Variants in KIF25 observed in about 807,000 individuals in gnomAD.
The protein encoded by KIF25 is kinesin-like protein KIF25.
A neutral mutation model predicts 32.9 loss-of-function variants in KIF25; 19 were observed. That is an observed-to-expected ratio of 0.58 (90% CI 0.40 to 0.85). The LOEUF is 0.85. Among genes scored for constraint, KIF25 ranks in the 40% least tolerant of loss-of-function variants. The probability of loss-of-function intolerance (pLI) is 0.00; values close to 1 mark genes in which losing one functional copy is unlikely to be tolerated. For missense variants in KIF25, 485 were observed against 507.0 expected (o/e 0.96, Z 0.42); for synonymous variants, 225 against 213.7 (o/e 1.05, Z -0.46).
chr6:168,026,999 A>G (rs1241758203), intron 5 of KIF25, among the ~76,000 whole-genome samples: 1 of 152,170 alleles, frequency 6.6e-6, no homozygotes, highest in Non-Finnish European at 1.5e-5. Context: ...GGAAGGCAGC[A>G]TTTTTGCCAC....
chr6:168,030,278 T>C (rs972190184), intron 6 of KIF25, among the ~76,000 whole-genome samples: 1 of 152,222 alleles, frequency 6.6e-6, no homozygotes, highest in African/African-American at 2.4e-5. Context: ...ACAAGATTTT[T>C]AAGAGCTTGA....
intron 5 of KIF25, among the ~76,000 whole-genome samples, chr6:168,024,279 G>A (rs1798827316): frequency 6.6e-6 from 1 of 152,148 alleles, no homozygotes; most frequent in Non-Finnish European, 1.5e-5. Flanking sequence ...GTTTGTTTAT[G>A]CAAACACTTG....
intron 5 of KIF25, among the ~76,000 whole-genome samples, chr6:168,027,049 G>A (rs900018688): frequency 1.3e-5 from 2 of 152,116 alleles, no homozygotes; most frequent in African/African-American, 2.4e-5. Flanking sequence ...AGGAGGCTGC[G>A]CTGAGCTCAG....
chr6:168,040,894 A>G (rs925020543), intron 10 of KIF25, among the ~76,000 whole-genome samples: 4 of 152,248 alleles, frequency 2.6e-5, no homozygotes, highest in Non-Finnish European at 5.9e-5. Context: ...CAGTTATGTA[A>G]CAGAAAGAAC....
chr6:168,027,752 G>A (rs1304832557), intron 5 of KIF25, among the ~76,000 whole-genome samples: 1 of 152,142 alleles, frequency 6.6e-6, no homozygotes, highest in Non-Finnish European at 1.5e-5. Context: ...GGTTGTTCCG[G>A]TCCGTGGGTG....
At chr6:168,013,831 C>T (rs1475455210) in intron 4 of KIF25, among the ~76,000 whole-genome samples, 1 of 152,110 alleles carries the variant, frequency 6.6e-6, no homozygotes, top group Admixed American at 6.5e-5. Flanking sequence ...AACACAGGTG[C>T]CTCTCCACTC....
chr6:168,037,818 C>T (rs1041097838), intron 8 of KIF25, among the ~76,000 whole-genome samples: 11 of 152,128 alleles, frequency 7.2e-5, no homozygotes, highest in African/African-American at 1.9e-4. Flanking sequence ...CAGGTTCAAG[C>T]GATTCTCCTG....
intron 2 of KIF25, among the ~76,000 whole-genome samples, chr6:168,000,197 A>T (rs13212458): frequency 1.5e-4 from 3 of 20,208 alleles, no homozygotes; most frequent in East Asian, 3.3e-3. Context: ...CACACCTGAC[A>T]CTCCCCACTC....
intron 8 of KIF25, among the ~76,000 whole-genome samples, chr6:168,034,924 G>A (rs1301967224): frequency 1.3e-5 from 2 of 152,326 alleles, no homozygotes; most frequent in East Asian, 3.9e-4. Context: ...ACTTTGGGAG[G>A]TCGAGGCGGG....
At chr6:168,043,056 C>T (rs962470212) in intron 12 of KIF25, among the ~76,000 whole-genome samples, 6 of 152,136 alleles carry the variant, frequency 3.9e-5, no homozygotes, top group African/African-American at 7.2e-5. Flanking sequence ...TGGGTCCCTC[C>T]GGCTGTGTAG....
intron 5 of KIF25, among the ~76,000 whole-genome samples, chr6:168,023,341 C>T (rs1053028276): frequency 2.7e-5 from 4 of 150,016 alleles, no homozygotes; most frequent in African/African-American, 4.9e-5. Context: ...AATCTCAGCT[C>T]ACTGCAAGCT....
chr6:168,038,787 T>A, intron 9 of KIF25, 58 bp downstream of exon 9: 1 of 1,549,102 alleles, frequency 6.5e-7, no homozygotes, highest in Non-Finnish European at 8.8e-7. Flanking sequence ...CACCTGCCCC[T>A]CCCACCTGGT....
chr6:168,036,415 C>T (rs1253632771), intron 8 of KIF25, among the ~76,000 whole-genome samples: 5 of 152,182 alleles, frequency 3.3e-5, no homozygotes, highest in Admixed American at 3.3e-4. Context: ...CCGCCCCTCC[C>T]CGCCCCAGAG....
intron 2 of KIF25, among the ~76,000 whole-genome samples, 198 bp from the exon 3 acceptor site, chr6:168,002,345 A>G (rs954402592): frequency 2.0e-5 from 3 of 151,690 alleles, no homozygotes; most frequent in Non-Finnish European, 4.4e-5. Flanking sequence ...GTGAGAAGAC[A>G]CCTGAGGCGT....
intron 2 of KIF25, among the ~76,000 whole-genome samples, chr6:168,001,726 C>T (rs1157412796): frequency 1.4e-4 from 10 of 72,044 alleles, no homozygotes; most frequent in Admixed American, 9.1e-4. Context: ...TGGCCGCGGG[C>T]AGGTGAGAAG....
intron 7 of KIF25, 107 bp downstream of exon 7, chr6:168,030,954 C>A: frequency 3.5e-6 from 3 of 850,676 alleles, no homozygotes; most frequent in South Asian, 1.8e-5. Context: ...GAGCATTCTA[C>A]AGCACTGCAG....
At chr6:168,044,689 C>A in intron 12 of KIF25, 138 bp from the exon 13 acceptor site, 2 of 843,036 alleles carry the variant, frequency 2.4e-6, no homozygotes, top group Non-Finnish European at 3.7e-6. Flanking sequence ...AGGAACCTGC[C>A]AGACGTGGCC....
In KIF25 at chr6:167,998,260, G is replaced by A. The variant is rs1453189864; in HGVS notation, c.-1209G>A. The A allele has an allele frequency of 6.6e-6, 1 of 152,044 alleles. No homozygotes were observed. Among genetic ancestry groups the A allele is most frequent in the Non-Finnish European group, 1.5e-5 (1 of 68,034 alleles). 9.4% of individuals were successfully genotyped at this position (152,044 alleles called of 1,614,324 possible). A position where few individuals can be genotyped will look rare whatever the true frequency, so the allele number is the denominator to read the frequency against. On this transcript the variant is annotated 5_prime_UTR_variant, in exon 1 of 13. In the 5' UTR this introduces an upstream ATG that the reference lacks. Transcript: ENST00000643607. ...AAGAATTGGTTGTGGAAGTTTCTGA[G>A]TGTTCCACCTCAAGCCTGGTCTCCT...
intron 4 of KIF25, among the ~76,000 whole-genome samples, chr6:168,006,226 G>A (rs1474076461): frequency 1.3e-5 from 2 of 149,530 alleles, no homozygotes; most frequent in African/African-American, 2.5e-5. Context: ...TTTTTTTAGC[G>A]ATGGGGGGGT....
Sources: gnomAD v4.1 joint callset for allele counts (sites outside exome capture counted in the v4.1 genomes callset) on GRCh38, gnomAD v4.1.1 for gene constraint, MANE v1.5 for transcripts, NCBI Gene and HGNC (gene_info 2026-07-23, HGNC 2026-07-21) for gene names.